The following SHISA9 variants were observed in gnomAD, a reference collection of about 807,000 sequenced individuals.
SHISA9 encodes the protein shisa family member 9.
In SHISA9, 13 loss-of-function variants were observed where a neutral mutation model predicts 38.0. The observed-to-expected ratio is 0.34, with a 90% CI of 0.22 to 0.54. The LOEUF (loss-of-function observed/expected upper bound fraction) is 0.54. Ranked by LOEUF, SHISA9 falls within the 20% of genes least tolerant of loss-of-function variation. The pLI is 0.91. For synonymous variants in SHISA9, 275 were observed against 242.0 expected (o/e 1.14, Z -1.27); for missense variants, 538 against 575.8 (o/e 0.93, Z 0.67).
At chr16:13,069,837 G>T (rs543563948) in intron 2 of SHISA9, among the ~76,000 whole-genome samples, 1 of 152,142 alleles carries the variant, frequency 6.6e-6, no homozygotes. Context: ...GTCCCAGAGA[G>T]ATCCCTTGGC....
intron 2 of SHISA9, among the ~76,000 whole-genome samples, chr16:13,075,056 A>C (rs181355152): frequency 8.5e-5 from 13 of 152,308 alleles, no homozygotes; most frequent in Non-Finnish European, 1.9e-4. Flanking sequence ...GATTGTACCC[A>C]GTTAGGACCC....
chr16:13,480,502 C>G, the SHISA9 span, among the ~76,000 whole-genome samples: 1 of 152,174 alleles, frequency 6.6e-6, no homozygotes, highest in Non-Finnish European at 1.5e-5. Flanking sequence ...CACTCAGAAC[C>G]TTGAGGTTCC....
chr16:12,946,554 A>T (rs2071690639), intron 2 of SHISA9, among the ~76,000 whole-genome samples: 1 of 152,218 alleles, frequency 6.6e-6, no homozygotes, highest in Admixed American at 6.5e-5. Context: ...GACAAGCTGC[A>T]GCTTGATAAC....
At chr16:13,140,166 C>CTCCCT (rs1567225190) in intron 2 of SHISA9, among the ~76,000 whole-genome samples, 3 of 119,940 alleles carry the variant, frequency 2.5e-5, no homozygotes, top group African/African-American at 9.7e-5. Flanking sequence ...CTCCCCTCCC[C>CTCCCT]TCCCCTCCCC....
chr16:13,404,568 C>A, the SHISA9 span, among the ~76,000 whole-genome samples: 2 of 152,034 alleles, frequency 1.3e-5, no homozygotes, highest in Non-Finnish European at 2.9e-5. Flanking sequence ...GTGGCCAGAG[C>A]ACAGAGAATG....
At position 13,127,131 on chromosome 16, in the gene SHISA9, GGA is replaced by G. The variant is rs144271484; in HGVS notation, c.692-76249_692-76248del. ...AGACTGAGGGAACAGAGAGAGGGAG[GGA>G]GAGAGAGAGAGAGTGAAGGAGGGAG... On this transcript the variant is annotated intron_variant, in intron 2 of 4. Coordinates refer to ENST00000558583, the MANE Select transcript of SHISA9 (RefSeq NM_001145204.3). 2.5e-3 allele frequency among the ~76,000 whole-genome samples: 359 copies of G among 143,806 alleles called. 2 individuals are homozygous for G. The highest frequency in any genetic ancestry group is 8.3e-3 in the African/African-American group (322 of 38,640). 94.3% of individuals were successfully genotyped at this position (143,806 alleles called of 152,430 possible). A position where few individuals can be genotyped will look rare whatever the true frequency, so the allele number is the denominator to read the frequency against.
intron 2 of SHISA9, among the ~76,000 whole-genome samples, chr16:13,163,558 T>C (rs1487227267): frequency 6.6e-6 from 1 of 152,142 alleles, no homozygotes; most frequent in African/African-American, 2.4e-5. Flanking sequence ...TTTTCAGCAA[T>C]TTAATTAAGA....
chr16:13,499,897 A>G, the SHISA9 span, among the ~76,000 whole-genome samples: 1 of 152,190 alleles, frequency 6.6e-6, no homozygotes, highest in South Asian at 2.1e-4. Context: ...GTTGAGCAGG[A>G]ACGATGTGCC....
At chr16:13,247,229 C>T in the SHISA9 span, among the ~76,000 whole-genome samples, 3 of 152,016 alleles carry the variant, frequency 2.0e-5, no homozygotes, top group African/African-American at 7.2e-5. Context: ...GGGAACTGCC[C>T]CCATGATCTA....
At chr16:13,391,897 G>T in the SHISA9 span, among the ~76,000 whole-genome samples, 1 of 152,220 alleles carries the variant, frequency 6.6e-6, no homozygotes, top group African/African-American at 2.4e-5. Flanking sequence ...TGTTTGGAAT[G>T]ATGCAGATTT....
At chr16:13,160,109 G>A (rs985185008) in intron 2 of SHISA9, among the ~76,000 whole-genome samples, 1 of 152,198 alleles carries the variant, frequency 6.6e-6, no homozygotes, top group African/African-American at 2.4e-5. Flanking sequence ...GGTCAATGAG[G>A]TGCCTTCTAA....
intron 4 of SHISA9, among the ~76,000 whole-genome samples, chr16:13,233,577 A>G (rs2051352642): frequency 1.3e-5 from 2 of 152,232 alleles, no homozygotes; most frequent in Admixed American, 1.3e-4. Context: ...ACTCAATTCT[A>G]CCACAGCAGA....
At chr16:13,126,113 G>A (rs185011577) in intron 2 of SHISA9, among the ~76,000 whole-genome samples, 1 of 152,304 alleles carries the variant, frequency 6.6e-6, no homozygotes, top group African/African-American at 2.4e-5. Flanking sequence ...TAGCCTATTG[G>A]AAACTCAGTG....
intron 2 of SHISA9, among the ~76,000 whole-genome samples, chr16:13,048,703 T>C (rs2073215005): frequency 6.6e-6 from 1 of 152,240 alleles, no homozygotes; most frequent in Non-Finnish European, 1.5e-5. Context: ...ATTACAGGCA[T>C]GAGCCACCGC....
chr16:13,121,218 G>T (rs1399311789), intron 2 of SHISA9, among the ~76,000 whole-genome samples: 1 of 152,088 alleles, frequency 6.6e-6, no homozygotes, highest in Non-Finnish European at 1.5e-5. Flanking sequence ...GCTGGGCATG[G>T]TGGCTCACGC....
the SHISA9 span, among the ~76,000 whole-genome samples, chr16:13,491,877 A>G: frequency 2.4e-5 from 2 of 83,902 alleles, no homozygotes; most frequent in Non-Finnish European, 2.1e-5. Flanking sequence ...GGGTCTCTCT[A>G]TGTTGCCCAG....
At chr16:13,459,723 C>G in the SHISA9 span, among the ~76,000 whole-genome samples, 1 of 152,156 alleles carries the variant, frequency 6.6e-6, no homozygotes, top group Non-Finnish European at 1.5e-5. Context: ...CCCTGTATAT[C>G]ATGCCTGGAG....
At chr16:13,460,801 C>G in the SHISA9 span, among the ~76,000 whole-genome samples, 639 of 152,286 alleles carry the variant, frequency 4.2e-3, 5 homozygotes, top group African/African-American at 0.015. Flanking sequence ...TACAGCTGGT[C>G]TGGATTTGTA....
chr16:12,949,223 T>C (rs2071724474), intron 2 of SHISA9, among the ~76,000 whole-genome samples: 1 of 152,156 alleles, frequency 6.6e-6, no homozygotes. Context: ...AAGGGAGTGA[T>C]GGCTGCGAGA....
Sources: allele counts gnomAD v4.1 joint callset (sites outside exome capture counted in the v4.1 genomes callset), GRCh38; gene constraint gnomAD v4.1.1; transcripts MANE v1.5; gene names NCBI Gene and HGNC (gene_info 2026-07-23, HGNC 2026-07-21).